MTRF1: variants seen among roughly 807,000 people sequenced by gnomAD.
MTRF1 encodes the protein mitochondrial translation release factor 1.
A neutral mutation model predicts 62.9 loss-of-function variants in MTRF1; 51 were observed. The observed-to-expected ratio is 0.81, with a 90% confidence interval of 0.65 to 1.02. The LOEUF is 1.02. Ranked by LOEUF, MTRF1 falls within the 50% of genes least tolerant of loss-of-function variation. The probability of loss-of-function intolerance (pLI) is 0.00; values close to 1 mark genes in which losing one functional copy is unlikely to be tolerated. For synonymous variants in MTRF1, 158 were observed against 181.9 expected, an observed-to-expected ratio of 0.87 and a Z score of 1.06; for missense variants, 446 against 530.0, an observed-to-expected ratio of 0.84 and a Z score of 1.56.
At chr13:41,278,533 G>A in the MTRF1 span, among the ~76,000 whole-genome samples, 92 of 152,314 alleles carry the variant, frequency 6.0e-4, no homozygotes, top group African/African-American at 2.0e-3. Flanking sequence ...TCCTGTTATA[G>A]CTGAAGTGTG....
Position 41,217,175 on chromosome 13 carries a change from T to C in MTRF1, c.1278A>G (p.Gln426=), listed in dbSNP as rs1482350578. The part of the protein sequence containing the change: ...GLDQLIQRLL[Q]SADEEAIAEL... Reference sequence around the variant, plus strand: ...CAGCAATGGCTTCTTCATCTGCTGATTGAAGCAGTCTCTGAATTAGCTGAT... The same window carrying C: ...CAGCAATGGCTTCTTCATCTGCTGACTGAAGCAGTCTCTGAATTAGCTGAT... The change falls in exon 10 of 10, where the codon CAA becomes CAG. Residue 426 remains glutamine, a synonymous_variant. Coordinates refer to ENST00000379480, the MANE Select transcript of MTRF1 (RefSeq NM_004294.4). 5 of 1,609,626 alleles carry C rather than the reference T, an allele frequency of 3.1e-6. No individual in the cohort carries two copies. Among genetic ancestry groups the C allele is most frequent in the Admixed American group, 3.3e-5 (2 of 59,874 alleles).
At chr13:41,309,621 CAT>C in the MTRF1 span, among the ~76,000 whole-genome samples, 11 of 152,148 alleles carry the variant, frequency 7.2e-5, no homozygotes, top group South Asian at 1.7e-3. Context: ...GCTTTAAAAT[CAT>C]GTGTGAAACG....
the MTRF1 span, among the ~76,000 whole-genome samples, chr13:41,284,864 G>A: frequency 7.9e-5 from 12 of 152,068 alleles, no homozygotes; most frequent in African/African-American, 1.9e-4. Context: ...ATGTTGGCCC[G>A]GCTGGTCTTG....
the MTRF1 span, among the ~76,000 whole-genome samples, chr13:41,268,832 G>T: frequency 6.6e-6 from 1 of 152,058 alleles, no homozygotes; most frequent in African/African-American, 2.4e-5. Context: ...TAATTATTTA[G>T]TGTATAAGTG....
chr13:41,260,759 A>G lies in MTRF1; in HGVS notation c.149T>C (p.Leu50Pro). ...QVFRQNRNCI[L>P]HLLSKNWSRR... ...GGACCAATTCTTACTTAACAGATGAAGAATGCAATTCCTGTTTTGTCTAAA... is the reference window on the plus strand; with the variant it reads ...GGACCAATTCTTACTTAACAGATGAGGAATGCAATTCCTGTTTTGTCTAAA... Residue 50 changes from leucine (L) to proline (P), a missense_variant, in exon 2 of 10, where the codon CTT becomes CCT. Physicochemically the swap from Leu to Pro is moderately conservative, Grantham distance 98 (BLOSUM62 -3). Coordinates refer to ENST00000379480, the MANE Select transcript of MTRF1 (RefSeq NM_004294.4). 2 of 1,614,206 alleles carry G rather than the reference A, an allele frequency of 1.2e-6. No individual in the cohort carries two copies. Among genetic ancestry groups the G allele is most frequent in the Non-Finnish European group, 1.7e-6 (2 of 1,180,030 alleles).
chr13:41,283,745 A>G, the MTRF1 span, among the ~76,000 whole-genome samples: 1 of 150,814 alleles, frequency 6.6e-6, no homozygotes, highest in Non-Finnish European at 1.5e-5. Flanking sequence ...GCCCGCCACT[A>G]CGCCCGGCTA....
At chr13:41,299,582 G>T in the MTRF1 span, among the ~76,000 whole-genome samples, 1 of 152,172 alleles carries the variant, frequency 6.6e-6, no homozygotes, top group African/African-American at 2.4e-5. Flanking sequence ...ACTTAAGGAG[G>T]AAGACTCAGT....
chr13:41,249,853 A>T (rs1026626377), intron 5 of MTRF1, among the ~76,000 whole-genome samples: 1 of 151,288 alleles, frequency 6.6e-6, no homozygotes, highest in South Asian at 2.1e-4. Context: ...GCCTCAAATG[A>T]TCCACCCGCC....
chr13:41,252,522 C>G (rs1284672954), intron 5 of MTRF1, 123 bp downstream of exon 5: 2 of 648,298 alleles, frequency 3.1e-6, no homozygotes, highest in Admixed American at 2.9e-5. Context: ...GAGCCTATGC[C>G]ACAGTGTTTA....
chr13:41,248,346 T>C (rs900704067), intron 5 of MTRF1, among the ~76,000 whole-genome samples: 1 of 152,212 alleles, frequency 6.6e-6, no homozygotes, highest in African/African-American at 2.4e-5. Flanking sequence ...GGTCTCGACC[T>C]CCTGACCTCA....
intron 7 of MTRF1, 117 bp from the exon 8 acceptor site, chr13:41,226,685 T>C (rs2034492665): frequency 8.2e-7 from 1 of 1,219,952 alleles, no homozygotes; most frequent in African/African-American, 1.5e-5. Context: ...ATACAAACAT[T>C]TTAGGTTTAG....
At position 41,223,278 on chromosome 13, in the gene MTRF1, G is replaced by A; in HGVS notation, c.1202C>T (p.Ala401Val). The A allele has an allele frequency of 6.2e-7, 1 of 1,613,488 alleles. No homozygotes were observed. The highest frequency in any genetic ancestry group is 8.5e-7 in the Non-Finnish European group (1 of 1,179,590). Residue 401 changes from alanine (A) to valine (V), a missense_variant, in exon 9 of 10, where the codon GCA (alanine) becomes GTA (valine). Transcript: ENST00000379480. ...TQDRVSDHRI[A>V]YEVRDIKEFL... ...TACCTTAATATCACGAACTTCATAT[G>A]CTATCCTGTGGTCACTGACTCTATC...
At chr13:41,218,388 T>G (rs1205956239) in intron 9 of MTRF1, among the ~76,000 whole-genome samples, 2 of 150,688 alleles carry the variant, frequency 1.3e-5, no homozygotes, top group Admixed American at 6.7e-5. Context: ...CCTCTCAAAG[T>G]GCTGGGATTA....
At chr13:41,233,069 T>C (rs537779649) in intron 7 of MTRF1, among the ~76,000 whole-genome samples, 1 of 152,312 alleles carries the variant, frequency 6.6e-6, no homozygotes, top group East Asian at 1.9e-4. Flanking sequence ...AGAAAAGGTA[T>C]ATAAGAAGGG....
chr13:41,259,212 C>T (rs1195962829), intron 2 of MTRF1, among the ~76,000 whole-genome samples: 2 of 152,130 alleles, frequency 1.3e-5, no homozygotes, highest in African/African-American at 4.8e-5. Flanking sequence ...TCTAGCACTT[C>T]CTCAAAAGGT....
At chr13:41,292,133 G>A in the MTRF1 span, among the ~76,000 whole-genome samples, 1 of 151,954 alleles carries the variant, frequency 6.6e-6, no homozygotes, top group South Asian at 2.1e-4. Context: ...GAGAGAGAGA[G>A]CGAGAGAGAA....
At chr13:41,311,548 C>T in the MTRF1 span, 8 of 1,607,940 alleles carry the variant, frequency 5.0e-6, no homozygotes, top group Non-Finnish European at 6.8e-6. Flanking sequence ...GTGCTGCTGC[C>T]GCCCAAGGAG....
chr13:41,272,266 A>G, the MTRF1 span, among the ~76,000 whole-genome samples: 2 of 152,196 alleles, frequency 1.3e-5, no homozygotes, highest in East Asian at 3.8e-4. Flanking sequence ...AAGTCATTAA[A>G]AGCCTTCTTT....
rs117516964 is a variant in MTRF1, at chr13:41,254,738, A to C, written c.416-118T>G. 12 of 618,612 alleles carry C rather than the reference A, an allele frequency of 1.9e-5. 1 individual carries two copies. In the South Asian group the frequency reaches 2.7e-4, roughly 14 times the overall value. 38.3% of individuals were successfully genotyped at this position (618,612 alleles called of 1,614,324 possible). ...ATTTCAGTTGCAAAGGCAAGGGATT[A>C]TACAAAGGAACATTTAGAATATTTG... On this transcript the variant is annotated intron_variant, in intron 2 of 9. Transcript: ENST00000379480.
Sources: allele counts gnomAD v4.1 joint callset (sites outside exome capture counted in the v4.1 genomes callset), GRCh38; gene constraint gnomAD v4.1.1; transcripts MANE v1.5; gene names NCBI Gene and HGNC (gene_info 2026-07-23, HGNC 2026-07-21).